Variants in CCSER2 observed in about 807,000 individuals in gnomAD.
CCSER2 encodes the protein serine-rich coiled-coil domain-containing protein 2.
In CCSER2, 46 loss-of-function variants were observed where a neutral mutation model predicts 92.3. The observed-to-expected ratio is 0.50, with a 90% confidence interval of 0.39 to 0.64. CCSER2 has a LOEUF of 0.64. CCSER2 is among the 30% of genes least tolerant of loss of function. The probability of loss-of-function intolerance (pLI) is 0.00; values close to 1 mark genes in which losing one functional copy is unlikely to be tolerated. For missense variants in CCSER2, 1,244 were observed against 1,238.9 expected, an observed-to-expected ratio of 1.00 and a Z score of -0.06; for synonymous variants, 433 against 431.4, an observed-to-expected ratio of 1.00 and a Z score of -0.04.
chr10:84,461,017 TC>T (rs1367140140), intron 6 of CCSER2, among the ~76,000 whole-genome samples: 1 of 152,194 alleles, frequency 6.6e-6, no homozygotes, highest in African/African-American at 2.4e-5. Flanking sequence ...TTTATTTTGC[TC>T]CAGTTATTGA....
chr10:84,498,031 A>G (rs1043638595), intron 9 of CCSER2, among the ~76,000 whole-genome samples: 1 of 152,190 alleles, frequency 6.6e-6, no homozygotes, highest in African/African-American at 2.4e-5. Context: ...AGATCCAAGG[A>G]AAAAAAGTTT....
intron 7 of CCSER2, among the ~76,000 whole-genome samples, chr10:84,464,588 C>T (rs1380505012): frequency 6.6e-6 from 1 of 152,172 alleles, no homozygotes; most frequent in Non-Finnish European, 1.5e-5. Flanking sequence ...TTTTACATCC[C>T]ATTTTCAGGG....
chr10:84,470,199 A>G (rs527308667), intron 7 of CCSER2, among the ~76,000 whole-genome samples, 173 bp from the exon 8 acceptor site: 1 of 151,686 alleles, frequency 6.6e-6, no homozygotes, highest in Admixed American at 6.6e-5. Flanking sequence ...ACTATTGCTC[A>G]TTGTCAACAT....
chr10:84,373,575 A>G (rs374066537), intron 2 of CCSER2, 44 bp from the exon 3 acceptor site: 127 of 1,441,702 alleles, frequency 8.8e-5, no homozygotes, highest in Admixed American at 3.8e-4. Context: ...GGACACGAGA[A>G]ACAATTATAT....
chr10:84,489,475 C>T (rs1671834228), intron 9 of CCSER2, among the ~76,000 whole-genome samples: 1 of 152,110 alleles, frequency 6.6e-6, no homozygotes, highest in South Asian at 2.1e-4. Context: ...TTGAATTGAT[C>T]CCTTTACCAT....
Position 84,514,482 on chromosome 10 carries a change from A to G in CCSER2, c.*215A>G. ...AGCATAATTATCTCAGGTAAACACG[A>G]AAGTTTGCTTACCCATTTCAGAGGC... On this transcript the variant is annotated 3_prime_UTR_variant, in exon 10 of 10. Coordinates refer to ENST00000372088, the MANE Select transcript of CCSER2 (RefSeq NM_001284240.2). 2 of 537,004 alleles carry G rather than the reference A, an allele frequency of 3.7e-6. No individual in the cohort carries two copies. Among genetic ancestry groups the G allele is most frequent in the Middle Eastern group, 4.9e-4 (1 of 2,058 alleles). 33.3% of individuals were successfully genotyped at this position (537,004 alleles called of 1,614,324 possible).
chr10:84,511,060 A>G (rs1376701416), intron 9 of CCSER2, among the ~76,000 whole-genome samples: 1 of 152,254 alleles, frequency 6.6e-6, no homozygotes, highest in Non-Finnish European at 1.5e-5. Flanking sequence ...TTTCGCATAT[A>G]GAAACCACTG....
intron 3 of CCSER2, among the ~76,000 whole-genome samples, chr10:84,387,328 T>G (rs1320715653): frequency 6.6e-6 from 1 of 152,194 alleles, no homozygotes; most frequent in Non-Finnish European, 1.5e-5. Context: ...TGTTGTATCG[T>G]GAGGACAGCC....
At chr10:84,408,089 A>G (rs1842462530) in intron 3 of CCSER2, among the ~76,000 whole-genome samples, 1 of 152,178 alleles carries the variant, frequency 6.6e-6, no homozygotes, top group African/African-American at 2.4e-5. Flanking sequence ...TTAATCCAAC[A>G]TGAAGTTTTA....
At chr10:84,431,664 C>A (rs1223593659) in intron 5 of CCSER2, among the ~76,000 whole-genome samples, 1 of 151,932 alleles carries the variant, frequency 6.6e-6, no homozygotes, top group Non-Finnish European at 1.5e-5. Context: ...ATCACTTGAG[C>A]CCAGGAGGTT....
chr10:84,369,675 TA>T (rs1294963530), intron 1 of CCSER2, among the ~76,000 whole-genome samples: 6 of 152,172 alleles, frequency 3.9e-5, no homozygotes, highest in Admixed American at 6.5e-5. Flanking sequence ...AGGTCTCATT[TA>T]TTTTTTTGTT....
chr10:84,369,079 G>A (rs1000744312), intron 1 of CCSER2, among the ~76,000 whole-genome samples: 3 of 150,692 alleles, frequency 2.0e-5, no homozygotes, highest in Non-Finnish European at 4.4e-5. Flanking sequence ...ATTGGTTGAT[G>A]GGTACTTAGG....
chr10:84,510,031 A>G (rs1849269818), intron 9 of CCSER2, among the ~76,000 whole-genome samples: 1 of 152,048 alleles, frequency 6.6e-6, no homozygotes, highest in African/African-American at 2.4e-5. Flanking sequence ...CACACATTAG[A>G]TATTCTGATT....
chr10:84,382,181 G>C (rs1005526083), intron 3 of CCSER2, among the ~76,000 whole-genome samples: 1 of 152,118 alleles, frequency 6.6e-6, no homozygotes, highest in Non-Finnish European at 1.5e-5. Context: ...TCTATTTTGG[G>C]AGTGGGCTTG....
At chr10:84,468,355 T>A (rs988370357) in intron 7 of CCSER2, among the ~76,000 whole-genome samples, 1 of 152,238 alleles carries the variant, frequency 6.6e-6, no homozygotes, top group African/African-American at 2.4e-5. Flanking sequence ...TGCAAAGAGA[T>A]GATAAATGTT....
chr10:84,487,192 TG>T (rs1283592304), intron 9 of CCSER2, among the ~76,000 whole-genome samples: 3 of 152,366 alleles, frequency 2.0e-5, no homozygotes, highest in African/African-American at 7.2e-5. Context: ...CCTCCAGCTT[TG>T]TTCTTTTGGC....
intron 9 of CCSER2, among the ~76,000 whole-genome samples, chr10:84,482,644 A>T (rs1293041442): frequency 6.6e-6 from 1 of 152,192 alleles, no homozygotes; most frequent in East Asian, 1.9e-4. Context: ...TGAACACCTC[A>T]AGTTAACCAG....
chr10:84,409,904 A>G (rs1221805495), intron 3 of CCSER2, among the ~76,000 whole-genome samples: 2 of 152,120 alleles, frequency 1.3e-5, no homozygotes, highest in Admixed American at 6.6e-5. Context: ...TCCTGATCCA[A>G]TCCCTCCTCC....
At chr10:84,466,254 C>G (rs901852923) in intron 7 of CCSER2, among the ~76,000 whole-genome samples, 6 of 152,292 alleles carry the variant, frequency 3.9e-5, no homozygotes, top group Non-Finnish European at 7.4e-5. Flanking sequence ...TCAAATGACA[C>G]AAATACTGCA....
Sources: allele counts gnomAD v4.1 joint callset (sites outside exome capture counted in the v4.1 genomes callset), GRCh38; gene constraint gnomAD v4.1.1; transcripts MANE v1.5; gene names NCBI Gene and HGNC (gene_info 2026-07-23, HGNC 2026-07-21).